ITGA8: variants seen among roughly 807,000 people sequenced by gnomAD.
ITGA8 encodes integrin subunit alpha 8, also known as integrin alpha-8.
In ITGA8, 91 loss-of-function variants were observed where a neutral mutation model predicts 142.3. The observed-to-expected ratio is 0.64, with a 90% CI of 0.54 to 0.76. The LOEUF is 0.76. ITGA8 is among the 30% of genes least tolerant of loss of function. ITGA8 has a pLI of 0.00. For synonymous variants in ITGA8, 505 were observed against 485.2 expected (o/e 1.04, Z -0.54); for missense variants, 1,406 against 1,327.7 (o/e 1.06, Z -0.92).
At chr10:15,670,388 AC>A (rs2131683881) in intron 8 of ITGA8, among the ~76,000 whole-genome samples, 1 of 152,342 alleles carries the variant, frequency 6.6e-6, no homozygotes, top group East Asian at 1.9e-4. Flanking sequence ...GCAAATAAGA[AC>A]CAGAGAGGTT....
intron 8 of ITGA8, among the ~76,000 whole-genome samples, chr10:15,665,036 T>A (rs908688870): frequency 6.6e-6 from 1 of 152,164 alleles, no homozygotes; most frequent in African/African-American, 2.4e-5. Context: ...TACCCAGTAA[T>A]GGGATTGCTG....
At chr10:15,553,727 A>T (rs1219143167) in intron 26 of ITGA8, among the ~76,000 whole-genome samples, 1 of 152,160 alleles carries the variant, frequency 6.6e-6, no homozygotes, top group Non-Finnish European at 1.5e-5. Context: ...CCAGCTGGGC[A>T]TGGTGGCTCA....
chr10:15,661,424 A>C (rs962370793), intron 8 of ITGA8, among the ~76,000 whole-genome samples: 1 of 152,176 alleles, frequency 6.6e-6, no homozygotes, highest in Non-Finnish European at 1.5e-5. Flanking sequence ...AGAGGGTTGG[A>C]AGTTTGAAGC....
intron 7 of ITGA8, among the ~76,000 whole-genome samples, chr10:15,672,182 A>G (rs1005961184): frequency 6.6e-5 from 10 of 152,204 alleles, no homozygotes; most frequent in African/African-American, 2.2e-4. Context: ...TCATCAAGCA[A>G]TCAAATGGCC....
At chr10:15,666,806 A>G (rs979114544) in intron 8 of ITGA8, among the ~76,000 whole-genome samples, 1 of 152,214 alleles carries the variant, frequency 6.6e-6, no homozygotes, top group Non-Finnish European at 1.5e-5. Flanking sequence ...TTCTGTTTAT[A>G]TGTTGGATTA....
At chr10:15,581,628 A>T (rs1834408444) in intron 23 of ITGA8, among the ~76,000 whole-genome samples, 2 of 152,218 alleles carry the variant, frequency 1.3e-5, no homozygotes, top group African/African-American at 2.4e-5. Context: ...ACTTTTACAT[A>T]TGCAGATGGG....
chr10:15,661,635 C>G (rs1291745131), intron 8 of ITGA8, among the ~76,000 whole-genome samples: 1 of 152,154 alleles, frequency 6.6e-6, no homozygotes, highest in East Asian at 1.9e-4. Context: ...TACTCTGATT[C>G]TTCCAGCTTT....
chr10:15,577,531 T>C (rs1352633995), intron 23 of ITGA8, among the ~76,000 whole-genome samples: 3 of 151,974 alleles, frequency 2.0e-5, no homozygotes, highest in Non-Finnish European at 4.4e-5. Context: ...CAAATAGAAG[T>C]CTATGAAGAA....
At chr10:15,681,104 G>A (rs2131699595) in intron 4 of ITGA8, among the ~76,000 whole-genome samples, 1 of 152,314 alleles carries the variant, frequency 6.6e-6, no homozygotes, top group East Asian at 1.9e-4. Context: ...AGAGCCATAG[G>A]CAGGTCATCA....
Position 15,606,394 on chromosome 10 carries a change from G to A in ITGA8, c.1793C>T (p.Ser598Phe), listed in dbSNP as rs199919227. Residue 598 changes from serine to phenylalanine, a missense_variant, in exon 18 of 30, where the codon TCT becomes TTT. By Grantham distance (155) the Ser-to-Phe change is radical. Coordinates refer to ENST00000378076, the MANE Select transcript of ITGA8 (RefSeq NM_003638.3). ...RDETEFRDKL[S>F]PINISLNYSL... ...GTAATTCAAACTAATGTTGATTGGA[G>A]ATAATTTATCTCGGAATTCAGTTTC... is the stretch of plus-strand genomic sequence containing the variant. 6.0e-5 allele frequency: 96 copies of A among 1,602,524 alleles called. No individual in the cohort carries two copies. In the East Asian group the frequency reaches 2.1e-3, roughly 36 times the overall value.
chr10:15,572,186 G>A, intron 25 of ITGA8, 25 bp downstream of exon 25: 1 of 1,522,428 alleles, frequency 6.6e-7, no homozygotes, highest in East Asian at 2.3e-5. Flanking sequence ...AATCAACAAA[G>A]CCACTGATTA....
chr10:15,547,029 A>T (rs1053276631), intron 27 of ITGA8, among the ~76,000 whole-genome samples: 11 of 152,306 alleles, frequency 7.2e-5, no homozygotes, highest in African/African-American at 2.6e-4. Flanking sequence ...GGATAAAAAA[A>T]TTCTATATTT....
intron 13 of ITGA8, among the ~76,000 whole-genome samples, chr10:15,643,007 C>T (rs1018388721): frequency 6.6e-6 from 1 of 152,186 alleles, no homozygotes; most frequent in Admixed American, 6.5e-5. Flanking sequence ...TTGAAACCAT[C>T]TTAAACATAA....
At chr10:15,637,744 T>C (rs2131640015) in intron 13 of ITGA8, among the ~76,000 whole-genome samples, 1 of 152,166 alleles carries the variant, frequency 6.6e-6, no homozygotes, top group East Asian at 1.9e-4. Flanking sequence ...ACTCCTGCCC[T>C]GGCCTGCCAA....
chr10:15,641,187 G>A (rs1400416873), intron 13 of ITGA8, among the ~76,000 whole-genome samples: 3 of 152,166 alleles, frequency 2.0e-5, no homozygotes, highest in Non-Finnish European at 2.9e-5. Flanking sequence ...CTGCGTAGCT[G>A]GGACTACAGG....
Position 15,523,918 on chromosome 10 carries a change from C to A in ITGA8, c.2983-4506G>T, listed in dbSNP as rs778423953. 2.0e-5 allele frequency among the ~76,000 whole-genome samples: 3 copies of A among 152,156 alleles called. No individual in the cohort carries two copies. The South Asian group carries it at 6.2e-4, about 32-fold the overall frequency. On this transcript the variant is annotated intron_variant, in intron 28 of 29. Coordinates refer to ENST00000378076, the MANE Select transcript of ITGA8 (RefSeq NM_003638.3). ...CTGCACTCCAGCCTGAGCAACAGAG[C>A]GAGCCTCTGTCTCAAACAAAACAAA...
At position 15,677,652 on chromosome 10, in the gene ITGA8, C is replaced by T; in HGVS notation, c.631-15G>A. 1.2e-6 allele frequency: 2 copies of T among 1,607,508 alleles called. No homozygotes were observed. Among genetic ancestry groups the T allele is most frequent in the Non-Finnish European group, 1.7e-6 (2 of 1,176,734 alleles). ...AGGTCTCCATTCTACAAAACAGAAA[C>T]AGCAACAGCAACCATAATTGGAAAA... On this transcript the variant is annotated splice_polypyrimidine_tract_variant and intron_variant, in intron 5 of 29. Coordinates refer to ENST00000378076, the MANE Select transcript of ITGA8 (RefSeq NM_003638.3).
At chr10:15,580,036 AAAAAT>A (rs994554793) in intron 23 of ITGA8, among the ~76,000 whole-genome samples, 8 of 151,596 alleles carry the variant, frequency 5.3e-5, no homozygotes, top group Non-Finnish European at 7.4e-5. Context: ...AAAAGAAAGA[AAAAAT>A]AAAGAAAACA....
chr10:15,643,890 G>A (rs1461189058), intron 13 of ITGA8, 140 bp downstream of exon 13: 4 of 644,938 alleles, frequency 6.2e-6, no homozygotes, highest in Non-Finnish European at 7.7e-6. Context: ...CTCTGGAATC[G>A]TACATTAAAA....
Sources: allele counts gnomAD v4.1 joint callset (sites outside exome capture counted in the v4.1 genomes callset), GRCh38; gene constraint gnomAD v4.1.1; transcripts MANE v1.5; gene names NCBI Gene and HGNC (gene_info 2026-07-23, HGNC 2026-07-21).